Variants in RAB31 observed in about 807,000 individuals in gnomAD.
The protein encoded by RAB31 is RAB31, member RAS oncogene family.
In RAB31, 21 loss-of-function variants were observed where a neutral mutation model predicts 25.6. The observed-to-expected ratio is 0.82, with a 90% confidence interval of 0.58 to 1.18. The LOEUF is 1.18. Among genes scored for constraint, RAB31 ranks in the 50% most tolerant of loss-of-function variants. The pLI is 0.00. For synonymous variants in RAB31, 87 were observed against 84.0 expected, an observed-to-expected ratio of 1.04 and a Z score of -0.20; for missense variants, 196 against 250.1, an observed-to-expected ratio of 0.78 and a Z score of 1.46.
intron 1 of RAB31, among the ~76,000 whole-genome samples, chr18:9,729,719 A>G (rs1874000244): frequency 6.8e-6 from 1 of 147,010 alleles, no homozygotes; most frequent in Admixed American, 7.1e-5. Flanking sequence ...CATAATCATT[A>G]TCTACTGGTC....
rs910075530 is a variant in RAB31 at position 9,815,001 on chromosome 18, A to G, written c.274-115A>G. The G allele has an allele frequency of 4.5e-5, 32 of 708,526 alleles. No individual in the cohort carries two copies. The East Asian group carries it at 8.8e-4, about 19-fold the overall frequency. The allele number at this position is 708,526 out of a possible 1,614,324, so 43.9% of individuals were successfully genotyped here. ...AGACAGAGGTAGTATGTTAATCTGC[A>G]TGAGTCTCCTAAAAATATTTTTCTC... On this transcript the variant is annotated intron_variant, in intron 4 of 6. Transcript: ENST00000578921.
rs546156647 is a variant in RAB31, at chr18:9,711,236, G to A, written c.39+2792G>A. Among the ~76,000 whole-genome samples the A allele has an allele frequency of 8.5e-5, 13 of 152,272 alleles. No homozygotes were observed. The South Asian group carries it at 2.7e-3, about 32-fold the overall frequency. On this transcript the variant is annotated intron_variant, in intron 1 of 6. Coordinates refer to ENST00000578921, the MANE Select transcript of RAB31 (RefSeq NM_006868.4). ...GTCACATTCTGTCATCCAGGCTGGA[G>A]TGCAGTGGTGCCATCATAGCTCACT...
intron 2 of RAB31, among the ~76,000 whole-genome samples, chr18:9,786,255 TGA>T (rs1268985471): frequency 6.6e-6 from 1 of 152,258 alleles, no homozygotes; most frequent in African/African-American, 2.4e-5. Context: ...TCTGGAGAGC[TGA>T]GTTTCCTGGA....
intron 1 of RAB31, among the ~76,000 whole-genome samples, chr18:9,731,987 G>A (rs984154172): frequency 3.9e-5 from 6 of 152,310 alleles, no homozygotes; most frequent in South Asian, 4.1e-4. Flanking sequence ...ATTTGCAAAG[G>A]TAGGCTTGCA....
intron 3 of RAB31, among the ~76,000 whole-genome samples, chr18:9,798,638 A>G (rs1040282995): frequency 6.6e-6 from 1 of 151,978 alleles, no homozygotes; most frequent in Admixed American, 6.6e-5. Flanking sequence ...TATCTTTTTA[A>G]GACAAGGTCA....
In RAB31 at chr18:9,862,544, C is replaced by T. The variant is rs2068853656; in HGVS notation, c.*3219C>T. ...ACTGATTCATACTAATAAATATTTT[C>T]AGTTTTACCGTTTGTCTTTTTCTTA... On this transcript the variant is annotated 3_prime_UTR_variant, in exon 7 of 7. Transcript: ENST00000578921. 3 of 152,198 alleles carry T rather than the reference C, an allele frequency of 2.0e-5. No individual in the cohort carries two copies. Among genetic ancestry groups the T allele is most frequent in the Non-Finnish European group, 4.4e-5 (3 of 68,030 alleles). The allele number at this position is 152,198 out of a possible 1,614,324, so 9.4% of individuals were successfully genotyped here. A position where few individuals can be genotyped will look rare whatever the true frequency, so the allele number is the denominator to read the frequency against.
At chr18:9,832,554 A>G (rs9304047) in intron 5 of RAB31, among the ~76,000 whole-genome samples, 74,491 of 152,090 alleles carry the variant, frequency 0.49, 19,157 homozygotes, top group East Asian at 0.85. Flanking sequence ...AGGAAAGGCC[A>G]GAGCAGGCAG....
At chr18:9,848,079 C>T (rs2068770484) in intron 6 of RAB31, among the ~76,000 whole-genome samples, 1 of 152,198 alleles carries the variant, frequency 6.6e-6, no homozygotes, top group Non-Finnish European at 1.5e-5. Flanking sequence ...TTTCATGTCA[C>T]ATAAACAATT....
rs148366755 is a variant in RAB31, at chr18:9,827,541, G to A, written c.380+12319G>A. On this transcript the variant is annotated intron_variant, in intron 5 of 6. Coordinates refer to ENST00000578921, the MANE Select transcript of RAB31 (RefSeq NM_006868.4). ...TCAGGGGCTGTTCTCATGCACTCTCGCCTCTTCTGAGGGATGGAATCATGG... is the reference window on the plus strand; with the variant it reads ...TCAGGGGCTGTTCTCATGCACTCTCACCTCTTCTGAGGGATGGAATCATGG... Among the ~76,000 whole-genome samples the A allele has an allele frequency of 1.9e-3, 293 of 150,812 alleles. 1 individual carries two copies. Among genetic ancestry groups the A allele is most frequent in the African/African-American group, 6.4e-3 (262 of 41,244 alleles).
intron 1 of RAB31, among the ~76,000 whole-genome samples, chr18:9,716,820 T>A (rs2068046409): frequency 6.6e-6 from 1 of 151,858 alleles, no homozygotes; most frequent in South Asian, 2.1e-4. Flanking sequence ...TCATAACTCA[T>A]TATAGCCTCG....
chr18:9,798,293 C>T (rs1398388601), intron 3 of RAB31, among the ~76,000 whole-genome samples: 1 of 152,146 alleles, frequency 6.6e-6, no homozygotes, highest in Admixed American at 6.5e-5. Flanking sequence ...CTTGGGCTGT[C>T]CTTGTCTGGT....
At chr18:9,841,475 C>T (rs1599062895) in intron 5 of RAB31, among the ~76,000 whole-genome samples, 1 of 144,314 alleles carries the variant, frequency 6.9e-6, no homozygotes, top group East Asian at 2.1e-4. Flanking sequence ...GGAGGCAGAG[C>T]TTGCAGTGAG....
Position 9,808,478 on chromosome 18 carries a change from A to G in RAB31, c.202-5542A>G, listed in dbSNP as rs146325994. 8.3e-3 allele frequency among the ~76,000 whole-genome samples: 1,257 copies of G among 152,312 alleles called. 22 individuals carry two copies. Among genetic ancestry groups the G allele is most frequent in the African/African-American group, 0.029 (1,197 of 41,556 alleles). ...GGCCTCTGCTTTTCTGTGGAGAGAG[A>G]GGGTCTATGTAAAAGTCGGAAGCAT... On this transcript the variant is annotated intron_variant, in intron 3 of 6. Transcript: ENST00000578921.
intron 1 of RAB31, among the ~76,000 whole-genome samples, chr18:9,754,121 G>A (rs116391001): frequency 0.014 from 2,101 of 152,230 alleles, 47 homozygotes; most frequent in African/African-American, 0.048. Flanking sequence ...GAAACCTTGA[G>A]GTCTAGCACT....
At chr18:9,731,274 C>G (rs1181091185) in intron 1 of RAB31, among the ~76,000 whole-genome samples, 1 of 152,324 alleles carries the variant, frequency 6.6e-6, no homozygotes, top group Non-Finnish European at 1.5e-5. Context: ...AGTTTAACCA[C>G]TTGGCATTGT....
chr18:9,820,409 T>G (rs1257416104), intron 5 of RAB31, among the ~76,000 whole-genome samples: 1 of 152,086 alleles, frequency 6.6e-6, no homozygotes, highest in Non-Finnish European at 1.5e-5. Context: ...TTGCTAGTGT[T>G]TTGTTAAGGA....
intron 1 of RAB31, among the ~76,000 whole-genome samples, chr18:9,718,833 T>C (rs980613425): frequency 2.7e-5 from 4 of 150,838 alleles, no homozygotes; most frequent in African/African-American, 9.9e-5. Flanking sequence ...ACTAATCCCA[T>C]TCATGAGAGC....
chr18:9,828,614 A>G (rs1441611300), intron 5 of RAB31, among the ~76,000 whole-genome samples: 10 of 152,196 alleles, frequency 6.6e-5, no homozygotes, highest in Non-Finnish European at 1.3e-4. Context: ...ATATATTTGG[A>G]GATAAATACT....
In RAB31 at chr18:9,801,442, C is replaced by T. The variant is rs145233598; in HGVS notation, c.201+9207C>T. Among the ~76,000 whole-genome samples the T allele has an allele frequency of 7.9e-4, 120 of 152,130 alleles. 2 individuals are homozygous for T. The East Asian group carries it at 0.021, about 27-fold the overall frequency. ...GATTACAGCCAGCTGCCACCATGCC[C>T]GGCTGATTTTTTGTATTTTTAGTAG... On this transcript the variant is annotated intron_variant, in intron 3 of 6. Transcript: ENST00000578921.
Sources: allele counts gnomAD v4.1 joint callset (sites outside exome capture counted in the v4.1 genomes callset), GRCh38; gene constraint gnomAD v4.1.1; transcripts MANE v1.5; gene names NCBI Gene and HGNC (gene_info 2026-07-23, HGNC 2026-07-21).